The following RSPRY1 variants were observed in gnomAD, a reference collection of about 807,000 sequenced individuals.
RSPRY1 encodes ring finger and SPRY domain containing 1.
Under a neutral mutation model 73.1 loss-of-function variants are expected in RSPRY1, and 23 were observed. The observed-to-expected ratio is 0.31, with a 90% confidence interval of 0.23 to 0.45. RSPRY1 has a LOEUF of 0.45. Among genes scored for constraint, RSPRY1 ranks in the 20% least tolerant of loss-of-function variants. The pLI, the probability that RSPRY1 is intolerant of heterozygous loss-of-function variation, is 1.00. For synonymous variants in RSPRY1, 226 were observed against 251.4 expected (o/e 0.90, Z 0.95); for missense variants, 448 against 698.7 (o/e 0.64, Z 4.05).
intron 1 of RSPRY1, among the ~76,000 whole-genome samples, chr16:57,189,618 G>T (rs1460719577): frequency 1.4e-5 from 2 of 145,446 alleles, no homozygotes; most frequent in African/African-American, 5.1e-5. Context: ...TTGAGACAGG[G>T]TCTCATGCTG....
intron 6 of RSPRY1, 97 bp downstream of exon 6, chr16:57,214,043 A>T: frequency 1.2e-6 from 1 of 803,902 alleles, no homozygotes; most frequent in African/African-American, 1.7e-5. Flanking sequence ...AGCCACTGGC[A>T]CAGAGAATGG....
At chr16:57,186,257 G>A, upstream of RSPRY1, 10 of 836,540 alleles carry the variant, frequency 1.2e-5, no homozygotes, top group South Asian at 1.6e-4. Context: ...TCAAGGAGAG[G>A]GCTTGCCACC....
At chr16:57,198,188 A>G (rs370495500) in intron 1 of RSPRY1, among the ~76,000 whole-genome samples, 4 of 152,092 alleles carry the variant, frequency 2.6e-5, no homozygotes, top group African/African-American at 9.7e-5. Context: ...GATCGAGACT[A>G]TCCTGACTAA....
intron 1 of RSPRY1, among the ~76,000 whole-genome samples, chr16:57,201,593 G>A (rs1394640672): frequency 2.6e-5 from 4 of 151,682 alleles, no homozygotes; most frequent in African/African-American, 9.7e-5. Flanking sequence ...GCACTTTGGG[G>A]GGCCAAGGCA....
chr16:57,200,672 C>A (rs1357347724), intron 1 of RSPRY1, among the ~76,000 whole-genome samples: 2 of 23,052 alleles, frequency 8.7e-5, no homozygotes, highest in Non-Finnish European at 1.8e-4. Context: ...CTGACCCCCC[C>A]ACCTCCCTCC....
intron 14 of RSPRY1, among the ~76,000 whole-genome samples, chr16:57,238,222 C>T (rs1162977246): frequency 6.6e-6 from 1 of 152,146 alleles, no homozygotes; most frequent in Non-Finnish European, 1.5e-5. Context: ...ATAGGAGGAC[C>T]TCTCAGTATT....
chr16:57,235,862 A>G (rs1475111503), intron 14 of RSPRY1, among the ~76,000 whole-genome samples: 1 of 152,228 alleles, frequency 6.6e-6, no homozygotes, highest in African/African-American at 2.4e-5. Flanking sequence ...GTGGCTCCAC[A>G]GGGGTCCAGA....
chr16:57,204,688 A>C lies in RSPRY1; in HGVS notation c.30A>C (p.Leu10Phe). The change falls in exon 2 of 15, where the codon TTA (leucine) becomes TTC (phenylalanine). Residue 10 changes from leucine (L) to phenylalanine (F), a missense_variant. Coordinates refer to ENST00000394420, the MANE Select transcript of RSPRY1 (RefSeq NM_133368.3). MIVFGWAVFLASRSLGQGLL... is the reference protein window; with the variant it reads MIVFGWAVFFASRSLGQGLL... ...TCGTCTTTGGTTGGGCCGTGTTCTTAGCGAGCAGAAGCCTTGGCCAGGGTC... is the reference window on the plus strand; with the variant it reads ...TCGTCTTTGGTTGGGCCGTGTTCTTCGCGAGCAGAAGCCTTGGCCAGGGTC... 6.2e-7 allele frequency: 1 copy of C among 1,614,162 alleles called. No individual in the cohort carries two copies. Among genetic ancestry groups the C allele is most frequent in the Non-Finnish European group, 8.5e-7 (1 of 1,180,008 alleles).
At chr16:57,233,673 C>T (rs574363280) in intron 13 of RSPRY1, among the ~76,000 whole-genome samples, 4 of 152,210 alleles carry the variant, frequency 2.6e-5, no homozygotes, top group African/African-American at 9.6e-5. Context: ...CCTGGCCCCT[C>T]GTCTGTTAAT....
rs531066428 is a variant in RSPRY1 at position 57,237,683 on chromosome 16, TTTTATTTTTATTTATTTA to T, written c.1635-1168_1635-1151del. 1.9e-3 allele frequency among the ~76,000 whole-genome samples: 288 copies of T among 152,028 alleles called. 2 individuals carry two copies. Among genetic ancestry groups the T allele is most frequent in the African/African-American group, 5.2e-3 (215 of 41,536 alleles). Reference sequence around the variant, plus strand: ...GCCAAATGCTAGTATCTCTTTATTTTTTTATTTTTATTTATTTATTTATTTTTATTTATTTATTTATTT... The same window carrying T: ...GCCAAATGCTAGTATCTCTTTATTTTTTTATTTTTATTTATTTATTTATTT... On this transcript the variant is annotated intron_variant, in intron 14 of 14. Transcript: ENST00000394420.
intron 1 of RSPRY1, among the ~76,000 whole-genome samples, chr16:57,195,161 A>C (rs1410593855): frequency 2.6e-5 from 4 of 152,210 alleles, no homozygotes; most frequent in Non-Finnish European, 5.9e-5. Flanking sequence ...AGAGAAATAG[A>C]TTTGCAAAGG....
intron 1 of RSPRY1, among the ~76,000 whole-genome samples, chr16:57,198,900 C>T (rs2074504502): frequency 6.6e-6 from 1 of 152,228 alleles, no homozygotes; most frequent in African/African-American, 2.4e-5. Context: ...AGTCCTAGGA[C>T]CCTTACCACT....
intron 4 of RSPRY1, among the ~76,000 whole-genome samples, chr16:57,209,539 T>C (rs1373662068): frequency 1.3e-5 from 2 of 152,076 alleles, no homozygotes; most frequent in African/African-American, 2.4e-5. Context: ...GATTTTTGGA[T>C]TTTTAGTAGA....
chr16:57,219,006 G>T (rs2074991462), intron 8 of RSPRY1, among the ~76,000 whole-genome samples: 1 of 122,894 alleles, frequency 8.1e-6, no homozygotes, highest in Non-Finnish European at 1.7e-5. Flanking sequence ...AAAGTGCTGG[G>T]ATTACAGGCG....
chr16:57,201,945 C>T (rs539391263), intron 1 of RSPRY1, among the ~76,000 whole-genome samples: 76 of 151,726 alleles, frequency 5.0e-4, no homozygotes, highest in Admixed American at 2.0e-3. Context: ...AGGGGGAGAC[C>T]GTGGAAAGAG....
intron 14 of RSPRY1, among the ~76,000 whole-genome samples, chr16:57,237,273 A>T (rs1231508874): frequency 6.6e-6 from 1 of 151,730 alleles, no homozygotes; most frequent in Non-Finnish European, 1.5e-5. Context: ...CCTCCCGAGT[A>T]GCTTGGATTA....
At chr16:57,209,901 C>T (rs2074802633) in intron 4 of RSPRY1, among the ~76,000 whole-genome samples, 1 of 152,150 alleles carries the variant, frequency 6.6e-6, no homozygotes, top group Non-Finnish European at 1.5e-5. Context: ...TCTTGAAACT[C>T]CTGGGCTCAA....
intron 1 of RSPRY1, among the ~76,000 whole-genome samples, chr16:57,196,855 G>A (rs2074455866): frequency 6.6e-6 from 1 of 152,094 alleles, no homozygotes; most frequent in Admixed American, 6.5e-5. Flanking sequence ...TTAAATGTTA[G>A]GCACTGTGCC....
Position 57,204,740 on chromosome 16 carries a change from G to A in RSPRY1, c.82G>A (p.Ala28Thr). 6.2e-7 allele frequency: 1 copy of A among 1,614,144 alleles called. No homozygotes were observed. The highest frequency in any genetic ancestry group is 8.5e-7 in the Non-Finnish European group (1 of 1,180,016). ...GTTGTTGACTCTCGAAGAGCACATA[G>A]CCCACTTCCTAGGGACTGGAGGTGC... ...GLLLTLEEHI[A>T]HFLGTGGAAT... Residue 28 changes from alanine (A) to threonine (T), a missense_variant, in exon 2 of 15, where the codon GCC becomes ACC. By Grantham distance (58) the Ala-to-Thr change is moderately conservative (BLOSUM62 0). Transcript: ENST00000394420.
Sources: gnomAD v4.1 joint callset for allele counts (sites outside exome capture counted in the v4.1 genomes callset) on GRCh38, gnomAD v4.1.1 for gene constraint, MANE v1.5 for transcripts, NCBI Gene and HGNC (gene_info 2026-07-23, HGNC 2026-07-21) for gene names.